IL19: variants seen among roughly 807,000 people sequenced by gnomAD.
The protein encoded by IL19 is interleukin 19.
A neutral mutation model predicts 19.5 loss-of-function variants in IL19; 15 were observed. The ratio of observed to expected loss-of-function variants is 0.77; its 90% CI spans 0.52 to 1.19. IL19 has a LOEUF of 1.19. Among genes scored for constraint, IL19 ranks in the 50% most tolerant of loss-of-function variants. The pLI is 0.00. For synonymous variants in IL19, 78 were observed against 78.3 expected (o/e 1.00, Z 0.02); for missense variants, 199 against 213.1 (o/e 0.93, Z 0.41).
intron 2 of IL19, among the ~76,000 whole-genome samples, chr1:206,832,619 G>C (rs1676646082): frequency 6.6e-6 from 1 of 152,120 alleles, no homozygotes; most frequent in South Asian, 2.1e-4. Flanking sequence ...TAGGAAAAAT[G>C]ATAAACTCCC....
intron 2 of IL19, among the ~76,000 whole-genome samples, chr1:206,810,834 C>T (rs900850134): frequency 2.5e-4 from 38 of 152,144 alleles, no homozygotes; most frequent in African/African-American, 8.7e-4. Flanking sequence ...GGCTTGGTGC[C>T]CTCCTCAGAG....
intron 2 of IL19, among the ~76,000 whole-genome samples, chr1:206,823,903 G>A (rs896864991): frequency 6.6e-6 from 1 of 152,170 alleles, no homozygotes; most frequent in Non-Finnish European, 1.5e-5. Flanking sequence ...AAAGCTCAAA[G>A]CCATGGGGGT....
At chr1:206,811,443 CAAAAA>C (rs61026012) in intron 2 of IL19, among the ~76,000 whole-genome samples, 7 of 99,698 alleles carry the variant, frequency 7.0e-5, no homozygotes, top group Admixed American at 1.1e-4. Flanking sequence ...GACTCCGTCT[CAAAAA>C]AAAAAAAAAA....
chr1:206,799,515 C>T (rs116758602), intron 2 of IL19, among the ~76,000 whole-genome samples: 208 of 152,282 alleles, frequency 1.4e-3, no homozygotes, highest in African/African-American at 4.7e-3. Flanking sequence ...TCTGAGGCCA[C>T]GTAGTCACTC....
chr1:206,834,515 G>C (rs1023743788), intron 2 of IL19: 3 of 862,972 alleles, frequency 3.5e-6, no homozygotes, highest in Non-Finnish European at 4.2e-6. Flanking sequence ...TGATGTTCCA[G>C]ATGCTGGGCA....
At chr1:206,802,755 C>A (rs1675745463) in intron 2 of IL19, among the ~76,000 whole-genome samples, 1 of 151,948 alleles carries the variant, frequency 6.6e-6, no homozygotes, top group African/African-American at 2.4e-5. Context: ...TATAGTTCTG[C>A]TCACTTGTCC....
At chr1:206,777,406 CAAAAA>C (rs761553258) in intron 1 of IL19, among the ~76,000 whole-genome samples, 1 of 54,034 alleles carries the variant, frequency 1.9e-5, no homozygotes, top group African/African-American at 6.5e-5. Flanking sequence ...GACTCCGTCT[CAAAAA>C]AAAAAAAAAA....
intron 2 of IL19, among the ~76,000 whole-genome samples, chr1:206,801,830 T>C (rs1675715301): frequency 6.6e-6 from 1 of 152,214 alleles, no homozygotes; most frequent in African/African-American, 2.4e-5. Context: ...GCCTGACACA[T>C]CACAGACTCA....
At chr1:206,794,150 G>T (rs1447131818) in intron 1 of IL19, among the ~76,000 whole-genome samples, 1 of 152,134 alleles carries the variant, frequency 6.6e-6, no homozygotes, top group Non-Finnish European at 1.5e-5. Flanking sequence ...TCCCCAGTTT[G>T]GTCATTGGGA....
intron 2 of IL19, among the ~76,000 whole-genome samples, chr1:206,832,644 T>G (rs1676647607): frequency 6.6e-6 from 1 of 152,194 alleles, no homozygotes; most frequent in Non-Finnish European, 1.5e-5. Flanking sequence ...TCCATGCAAA[T>G]GAGATTTTTT....
intron 1 of IL19, among the ~76,000 whole-genome samples, chr1:206,773,164 G>C (rs1453935935): frequency 1.3e-5 from 2 of 152,164 alleles, no homozygotes; most frequent in African/African-American, 4.8e-5. Flanking sequence ...CACCCCAACT[G>C]TGCTTGGGGG....
chr1:206,821,833 TG>T (rs756898099), intron 2 of IL19, among the ~76,000 whole-genome samples: 3 of 152,190 alleles, frequency 2.0e-5, no homozygotes, highest in Non-Finnish European at 4.4e-5. Flanking sequence ...GTGGGAAGGC[TG>T]GAAGGAAAGC....
Position 206,827,851 on chromosome 1 carries a change from G to A in IL19, c.-2-8810G>A, listed in dbSNP as rs924145201. ...GGGCTGCCTATGACTGCACGCAGCT[G>A]TACCACACCCCACCTGGGTGTCTTT... On this transcript the variant is annotated intron_variant, in intron 2 of 6. Transcript: ENST00000659997. 8.5e-5 allele frequency among the ~76,000 whole-genome samples: 13 copies of A among 152,202 alleles called. No homozygotes were observed. The South Asian group carries it at 2.7e-3, about 31-fold the overall frequency.
At chr1:206,816,263 C>T (rs12409415) in intron 2 of IL19, among the ~76,000 whole-genome samples, 14,581 of 151,512 alleles carry the variant, frequency 0.096, 885 homozygotes, top group East Asian at 0.17. Context: ...GTACTACATG[C>T]GTAAATGTAT....
At chr1:206,822,614 G>A (rs762247008) in intron 2 of IL19, among the ~76,000 whole-genome samples, 1 of 152,182 alleles carries the variant, frequency 6.6e-6, no homozygotes, top group African/African-American at 2.4e-5. Context: ...CTTCTCACAA[G>A]GTTGTAAGGA....
intron 4 of IL19, 64 bp from the exon 5 acceptor site, chr1:206,839,786 C>A: frequency 7.0e-7 from 1 of 1,434,448 alleles, no homozygotes; most frequent in Non-Finnish European, 9.5e-7. Flanking sequence ...CTCAAATGGA[C>A]TGCCCTGGTC....
At chr1:206,798,732 C>T in intron 1 of IL19, 129 bp from the exon 2 acceptor site, 1 of 575,170 alleles carries the variant, frequency 1.7e-6, no homozygotes, top group East Asian at 3.0e-5. Flanking sequence ...TGATTCGGTT[C>T]AGAGTAGCTG....
chr1:206,800,369 T>A (rs1572554501), intron 2 of IL19, among the ~76,000 whole-genome samples: 1 of 151,670 alleles, frequency 6.6e-6, no homozygotes, highest in Non-Finnish European at 1.5e-5. Flanking sequence ...GGTGGTGGGG[T>A]AGGGGGGAAG....
intron 2 of IL19, among the ~76,000 whole-genome samples, chr1:206,825,818 C>T (rs1226613452): frequency 6.6e-6 from 1 of 152,236 alleles, no homozygotes; most frequent in Non-Finnish European, 1.5e-5. Flanking sequence ...TTTGGAAGGT[C>T]TCATTCCCTG....
Sources: allele counts gnomAD v4.1 joint callset (sites outside exome capture counted in the v4.1 genomes callset), GRCh38; gene constraint gnomAD v4.1.1; transcripts MANE v1.5; gene names NCBI Gene and HGNC (gene_info 2026-07-23, HGNC 2026-07-21).